Variants in AGBL4 observed in about 807,000 individuals in gnomAD.
The protein encoded by AGBL4 is cytosolic carboxypeptidase 6.
In AGBL4, 58 loss-of-function variants were observed where a neutral mutation model predicts 66.4. The ratio of observed to expected loss-of-function variants is 0.87; its 90% CI spans 0.71 to 1.09. AGBL4 has a LOEUF of 1.09. Among genes scored for constraint, AGBL4 ranks in the 50% least tolerant of loss-of-function variants. The pLI is 0.00. For missense variants in AGBL4, 579 were observed against 631.0 expected (o/e 0.92, Z 0.88); for synonymous variants, 234 against 222.9 (o/e 1.05, Z -0.44).
At position 49,735,520 on chromosome 1, in the gene AGBL4, T is replaced by C. The variant is rs556613780; in HGVS notation, c.158-38083A>G. ...TATCATTGTAATACCCATTTCAAAC[T>C]CTTATATCAAAAAATATAAGATAAA... On this transcript the variant is annotated intron_variant, in intron 2 of 13. Coordinates refer to ENST00000371839, the MANE Select transcript of AGBL4 (RefSeq NM_032785.4). 9.2e-5 allele frequency among the ~76,000 whole-genome samples: 14 copies of C among 151,984 alleles called. 1 individual carries two copies. The East Asian group carries it at 2.7e-3, about 29-fold the overall frequency.
rs372960346 is a variant in AGBL4 at position 50,002,359 on chromosome 1, C to CTTTTTTTT, written c.34+21396_34+21403dup. Among the ~76,000 whole-genome samples the CTTTTTTTT allele has an allele frequency of 2.6e-4, 25 of 96,024 alleles. 1 individual carries two copies. Among genetic ancestry groups the CTTTTTTTT allele is most frequent in the African/African-American group, 7.2e-4 (16 of 22,148 alleles). The allele number at this position is 96,024 out of a possible 152,430, so 63.0% of individuals were successfully genotyped here. A position where few individuals can be genotyped will look rare whatever the true frequency, so the allele number is the denominator to read the frequency against. ...TTGAGCCCTTAAATCTGCCCTAGTT[C>CTTTTTTTT]TTTTTTTTTTTTTTTTTTTTTTTTT... On this transcript the variant is annotated intron_variant, in intron 1 of 13. Coordinates refer to ENST00000371839, the MANE Select transcript of AGBL4 (RefSeq NM_032785.4).
intron 5 of AGBL4, among the ~76,000 whole-genome samples, chr1:48,921,735 A>G (rs1157198979): frequency 1.3e-5 from 2 of 152,198 alleles, no homozygotes; most frequent in East Asian, 3.9e-4. Context: ...AAGGAGGTAA[A>G]TAACTTTCCC....
chr1:49,282,853 C>G (rs961411240), intron 3 of AGBL4, among the ~76,000 whole-genome samples: 5 of 152,204 alleles, frequency 3.3e-5, no homozygotes, highest in African/African-American at 4.8e-5. Context: ...TATCCCGCAC[C>G]TGGCTTGGAG....
rs559801900 is a variant in AGBL4, at chr1:49,478,139, A to T, written c.282+219174T>A. Among the ~76,000 whole-genome samples the T allele has an allele frequency of 3.9e-5, 6 of 152,096 alleles. No homozygotes were observed. The South Asian group carries it at 1.2e-3, about 32-fold the overall frequency. ...TAAAGAGGAGGTAGAGAAAAGATAG[A>T]GTTACAAAGTTTATTCAAATGGATA... On this transcript the variant is annotated intron_variant, in intron 3 of 13. Transcript: ENST00000371839.
chr1:49,702,776 C>T (rs542562355), intron 2 of AGBL4, among the ~76,000 whole-genome samples: 110 of 152,088 alleles, frequency 7.2e-4, no homozygotes, highest in African/African-American at 2.5e-3. Context: ...CCCAGAAATT[C>T]AAAGTTGGTA....
chr1:49,966,858 T>C (rs575038701), intron 1 of AGBL4, among the ~76,000 whole-genome samples: 32 of 152,284 alleles, frequency 2.1e-4, no homozygotes, highest in African/African-American at 7.7e-4. Flanking sequence ...TAAACAACTT[T>C]ACGATTCTTG....
At chr1:49,254,085 C>T (rs1223339763) in intron 3 of AGBL4, among the ~76,000 whole-genome samples, 1 of 152,158 alleles carries the variant, frequency 6.6e-6, no homozygotes, top group Non-Finnish European at 1.5e-5. Flanking sequence ...AAGCTGGAAG[C>T]ATTTCCCTTG....
chr1:48,567,618 A>T (rs906052629), intron 11 of AGBL4, among the ~76,000 whole-genome samples: 4 of 152,184 alleles, frequency 2.6e-5, no homozygotes, highest in Admixed American at 2.0e-4. Context: ...CTCAGACAGT[A>T]TATTACGAAT....
At chr1:49,441,700 A>G (rs886867998) in intron 3 of AGBL4, among the ~76,000 whole-genome samples, 1 of 152,196 alleles carries the variant, frequency 6.6e-6, no homozygotes, top group Non-Finnish European at 1.5e-5. Flanking sequence ...CTCAACTTCA[A>G]AATTTAAATA....
rs557946711 is a variant in AGBL4 at position 48,543,778 on chromosome 1, C to T, written c.1268-4040G>A. Among the ~76,000 whole-genome samples the T allele has an allele frequency of 3.3e-5, 5 of 152,292 alleles. No homozygotes were observed. The East Asian group carries it at 9.7e-4, about 29-fold the overall frequency. The stretch of plus-strand genomic sequence containing the variant: ...CCTAGGACATGAAACTTAGCATTTA[C>T]GGAGCACCTACTATGTGCCAGGCAC... On this transcript the variant is annotated intron_variant, in intron 11 of 13. Coordinates refer to ENST00000371839, the MANE Select transcript of AGBL4 (RefSeq NM_032785.4).
chr1:49,776,208 G>C (rs1287854405), intron 2 of AGBL4, among the ~76,000 whole-genome samples: 1 of 152,096 alleles, frequency 6.6e-6, no homozygotes, highest in Admixed American at 6.6e-5. Flanking sequence ...AGATCTGAAA[G>C]AATGAAAGAG....
At chr1:49,858,280 T>A (rs1425125309) in intron 1 of AGBL4, among the ~76,000 whole-genome samples, 1 of 151,988 alleles carries the variant, frequency 6.6e-6, no homozygotes. Flanking sequence ...ATAGTGGAAA[T>A]GTAAATTAGT....
chr1:49,616,066 G>A (rs754462557), intron 3 of AGBL4, among the ~76,000 whole-genome samples: 18 of 151,814 alleles, frequency 1.2e-4, no homozygotes, highest in South Asian at 8.3e-4. Flanking sequence ...GCTCTTTCTC[G>A]AGGAGAAAAG....
At chr1:49,011,039 T>C (rs1373534294) in intron 5 of AGBL4, among the ~76,000 whole-genome samples, 1 of 151,950 alleles carries the variant, frequency 6.6e-6, no homozygotes, top group Admixed American at 6.6e-5. Context: ...TGGGATCTAA[T>C]TAAACTAAAG....
At chr1:49,395,166 T>C (rs972574792) in intron 3 of AGBL4, among the ~76,000 whole-genome samples, 7 of 152,296 alleles carry the variant, frequency 4.6e-5, no homozygotes, top group Middle Eastern at 3.4e-3. Flanking sequence ...TGCTGAAATA[T>C]GCACACACAT....
intron 2 of AGBL4, among the ~76,000 whole-genome samples, chr1:49,775,781 G>T (rs562791716): frequency 2.1e-4 from 32 of 152,070 alleles, no homozygotes; most frequent in African/African-American, 7.7e-4. Context: ...AATGAATAAA[G>T]ACTTCAATCT....
chr1:49,858,808 G>A (rs1360575007), intron 1 of AGBL4, among the ~76,000 whole-genome samples: 1 of 152,184 alleles, frequency 6.6e-6, no homozygotes, highest in Non-Finnish European at 1.5e-5. Flanking sequence ...CTGAAGTCAG[G>A]AGTTCAAGAC....
At chr1:48,572,801 G>A (rs1196662638) in intron 11 of AGBL4, among the ~76,000 whole-genome samples, 2 of 152,136 alleles carry the variant, frequency 1.3e-5, no homozygotes, top group African/African-American at 4.8e-5. Context: ...ATGTGGAAGG[G>A]AGCCTCTCAC....
chr1:48,618,960 A>C (rs1345304735), intron 9 of AGBL4, among the ~76,000 whole-genome samples: 2 of 151,672 alleles, frequency 1.3e-5, no homozygotes, highest in East Asian at 3.9e-4. Flanking sequence ...AAAAACGGGA[A>C]ATCAATAGAA....
Sources: gnomAD v4.1 joint callset for allele counts (sites outside exome capture counted in the v4.1 genomes callset) on GRCh38, gnomAD v4.1.1 for gene constraint, MANE v1.5 for transcripts, NCBI Gene and HGNC (gene_info 2026-07-23, HGNC 2026-07-21) for gene names.